Variants in DGKB observed in about 807,000 individuals in gnomAD.
DGKB encodes the protein diacylglycerol kinase beta.
Under a neutral mutation model 114.3 loss-of-function variants are expected in DGKB, and 67 were observed. The ratio of observed to expected loss-of-function variants is 0.59; its 90% CI spans 0.48 to 0.72. The LOEUF is 0.72. Among genes scored for constraint, DGKB ranks in the 30% least tolerant of loss-of-function variants. The pLI, the probability that DGKB is intolerant of heterozygous loss-of-function variation, is 0.00. For missense variants in DGKB, 907 were observed against 975.2 expected (o/e 0.93, Z 0.93); for synonymous variants, 398 against 323.1 (o/e 1.23, Z -2.49).
At chr7:14,214,137 A>G (rs1344295022) in intron 23 of DGKB, among the ~76,000 whole-genome samples, 2 of 152,062 alleles carry the variant, frequency 1.3e-5, no homozygotes, top group African/African-American at 4.8e-5. Flanking sequence ...TCCCTCAAAC[A>G]CAGATCTGAT....
chr7:14,646,075 C>T (rs1383773486), intron 13 of DGKB, among the ~76,000 whole-genome samples: 1 of 152,098 alleles, frequency 6.6e-6, no homozygotes, highest in Non-Finnish European at 1.5e-5. Context: ...AGAGATTTGG[C>T]TGAATGGATT....
At chr7:14,918,245 G>T (rs759007522) in intron 1 of DGKB, among the ~76,000 whole-genome samples, 4 of 152,012 alleles carry the variant, frequency 2.6e-5, no homozygotes, top group Non-Finnish European at 4.4e-5. Flanking sequence ...AAAAGTTCTA[G>T]GTAACTTCGT....
intron 1 of DGKB, among the ~76,000 whole-genome samples, chr7:14,950,627 A>T (rs1262363347): frequency 6.6e-6 from 1 of 152,032 alleles, no homozygotes; most frequent in East Asian, 1.9e-4. Flanking sequence ...AAAATTACTT[A>T]AAAAGAAAAG....
intron 17 of DGKB, among the ~76,000 whole-genome samples, chr7:14,597,343 T>G (rs1385599933): frequency 6.6e-6 from 1 of 152,198 alleles, no homozygotes; most frequent in East Asian, 1.9e-4. Context: ...ACATTATGAA[T>G]TCAACAAACA....
chr7:14,851,689 A>G (rs1365098524), intron 1 of DGKB, among the ~76,000 whole-genome samples: 21 of 152,188 alleles, frequency 1.4e-4, no homozygotes, highest in Non-Finnish European at 1.6e-4. Context: ...CATGTACATC[A>G]TAAATTGTCA....
intron 21 of DGKB, among the ~76,000 whole-genome samples, chr7:14,449,180 C>T (rs1390241797): frequency 6.6e-6 from 1 of 151,974 alleles, no homozygotes; most frequent in Non-Finnish European, 1.5e-5. Flanking sequence ...TACATACAAA[C>T]TCAGCAAGTA....
intron 20 of DGKB, among the ~76,000 whole-genome samples, chr7:14,519,027 G>C (rs182414966): frequency 2.0e-5 from 3 of 151,994 alleles, no homozygotes; most frequent in Admixed American, 2.0e-4. Context: ...CCTACACACG[G>C]AGTTTTTTCA....
intron 8 of DGKB, among the ~76,000 whole-genome samples, chr7:14,697,420 T>C (rs1470445242): frequency 6.6e-6 from 1 of 152,140 alleles, no homozygotes; most frequent in Non-Finnish European, 1.5e-5. Context: ...TTTTATGGCA[T>C]GGCATGGCCT....
intron 17 of DGKB, among the ~76,000 whole-genome samples, chr7:14,596,869 TA>T (rs1175346517): frequency 1.3e-5 from 2 of 152,212 alleles, no homozygotes. Context: ...ACATTGTTCA[TA>T]AAAATTCTTG....
chr7:14,248,900 G>C (rs571293556), intron 23 of DGKB, among the ~76,000 whole-genome samples: 3 of 152,222 alleles, frequency 2.0e-5, no homozygotes, highest in East Asian at 1.9e-4. Flanking sequence ...TGTTGAGAGA[G>C]AGCAGTCTTG....
chr7:14,180,759 G>C (rs1782518725), intron 23 of DGKB, among the ~76,000 whole-genome samples: 1 of 152,180 alleles, frequency 6.6e-6, no homozygotes, highest in Non-Finnish European at 1.5e-5. Flanking sequence ...TCAGGGTCCT[G>C]ATTGATTTCA....
At chr7:14,344,709 C>CTTT (rs34413578) in intron 22 of DGKB, among the ~76,000 whole-genome samples, 13 of 147,230 alleles carry the variant, frequency 8.8e-5, no homozygotes, top group Non-Finnish European at 1.8e-4. Flanking sequence ...CCTACAGTGT[C>CTTT]TTTTTTTTTT....
chr7:14,521,195 T>G (rs1789711949), intron 20 of DGKB, among the ~76,000 whole-genome samples: 1 of 152,140 alleles, frequency 6.6e-6, no homozygotes, highest in South Asian at 2.1e-4. Flanking sequence ...AACAATGTAC[T>G]GGTACAAAAA....
At chr7:14,766,540 A>C (rs1323872188) in intron 2 of DGKB, among the ~76,000 whole-genome samples, 1 of 151,890 alleles carries the variant, frequency 6.6e-6, no homozygotes, top group Non-Finnish European at 1.5e-5. Context: ...CTTCAATTTT[A>C]GTTTTAGGCA....
At chr7:14,496,652 A>AACT (rs1785351723) in intron 20 of DGKB, among the ~76,000 whole-genome samples, 1 of 151,836 alleles carries the variant, frequency 6.6e-6, no homozygotes, top group South Asian at 2.1e-4. Context: ...TTCTTCCCTT[A>AACT]ACTACTCATT....
chr7:14,327,394 C>T (rs1808934474), intron 23 of DGKB, among the ~76,000 whole-genome samples: 1 of 151,980 alleles, frequency 6.6e-6, no homozygotes, highest in Admixed American at 6.6e-5. Context: ...TTGGAAGAAA[C>T]TGTTTCCAGT....
intron 20 of DGKB, among the ~76,000 whole-genome samples, chr7:14,541,460 C>T (rs1361856600): frequency 6.6e-6 from 1 of 152,156 alleles, no homozygotes; most frequent in African/African-American, 2.4e-5. Flanking sequence ...TGAGAATAAG[C>T]AAGTCATAAA....
At chr7:14,427,288 C>T (rs1827726850) in intron 21 of DGKB, among the ~76,000 whole-genome samples, 1 of 152,106 alleles carries the variant, frequency 6.6e-6, no homozygotes. Context: ...CTATGCTTCA[C>T]TTCCCAACAA....
chr7:14,553,742 T>G (rs1010184317), intron 20 of DGKB, among the ~76,000 whole-genome samples: 4 of 152,248 alleles, frequency 2.6e-5, no homozygotes, highest in African/African-American at 9.6e-5. Flanking sequence ...CATTTTAAAT[T>G]TACATTAAGA....
Sources: gnomAD v4.1 joint callset for allele counts (sites outside exome capture counted in the v4.1 genomes callset) on GRCh38, gnomAD v4.1.1 for gene constraint, MANE v1.5 for transcripts, NCBI Gene and HGNC (gene_info 2026-07-23, HGNC 2026-07-21) for gene names.